The following MYOM2 variants were observed in gnomAD, a reference collection of about 807,000 sequenced individuals.
The protein encoded by MYOM2 is myomesin-2.
In MYOM2, 254 loss-of-function variants were observed where a neutral mutation model predicts 187.6. The ratio of observed to expected loss-of-function variants is 1.35; its 90% CI spans 1.22 to 1.50. MYOM2 has a LOEUF of 1.50. MYOM2 is among the 40% of genes most tolerant of loss of function. The probability of loss-of-function intolerance (pLI) is 0.00; values close to 1 mark genes in which losing one functional copy is unlikely to be tolerated. For missense variants in MYOM2, 2,796 were observed against 1,924.0 expected, an observed-to-expected ratio of 1.45 and a Z score of -8.48; for synonymous variants, 981 against 753.8, an observed-to-expected ratio of 1.30 and a Z score of -4.94.
Position 2,129,150 on chromosome 8 carries a change from G to A in MYOM2, c.3718G>A (p.Val1240Ile), listed in dbSNP as rs1015938465. Residue 1240 changes from valine to isoleucine, a missense_variant, in exon 32 of 37, where the codon GTA becomes ATA. Coordinates refer to ENST00000262113, the MANE Select transcript of MYOM2 (RefSeq NM_003970.4). ...VCGKSASPLK[V>I]LCTPEGIRLQ... ...AGGGAAATCTGCTTCGCCACTGAAG[G>A]TACTCTGCACCCCAGAAGGAATACG... The A allele has an allele frequency of 5.0e-6, 8 of 1,609,542 alleles. No individual in the cohort carries two copies. In the African/African-American group the frequency reaches 9.4e-5, roughly 19 times the overall value.
At chr8:2,126,948 G>A (rs1447334167) in intron 31 of MYOM2, among the ~76,000 whole-genome samples, 1 of 143,488 alleles carries the variant, frequency 7.0e-6, no homozygotes, top group African/African-American at 2.6e-5. Context: ...AGGAGCACTG[G>A]GGGAGGATGG....
At chr8:2,128,849 CT>C (rs1249966052) in intron 31 of MYOM2, among the ~76,000 whole-genome samples, 1 of 152,182 alleles carries the variant, frequency 6.6e-6, no homozygotes, top group Admixed American at 6.5e-5. Flanking sequence ...AGCAAAGCTG[CT>C]GAGGGGCAGA....
At chr8:2,112,676 T>C (rs1436756156) in intron 25 of MYOM2, among the ~76,000 whole-genome samples, 1 of 152,154 alleles carries the variant, frequency 6.6e-6, no homozygotes, top group Non-Finnish European at 1.5e-5. Flanking sequence ...AGTTTGCTAA[T>C]ATTCGTCTTC....
chr8:2,082,221 T>C (rs750642348), intron 13 of MYOM2: 1 of 152,188 alleles, frequency 6.6e-6, no homozygotes, highest in Non-Finnish European at 1.5e-5. Flanking sequence ...TATGGGGTTT[T>C]GGAAAGTTTA....
chr8:2,103,924 G>A (rs192991341), intron 21 of MYOM2, among the ~76,000 whole-genome samples: 1 of 152,152 alleles, frequency 6.6e-6, no homozygotes, highest in Non-Finnish European at 1.5e-5. Context: ...ATGGATGGGT[G>A]TACGGATAAA....
intron 23 of MYOM2, 53 bp from the exon 24 acceptor site, chr8:2,108,731 CAA>C: frequency 5.7e-6 from 9 of 1,589,538 alleles, no homozygotes; most frequent in Non-Finnish European, 7.8e-6. Context: ...CTGTTGTCTA[CAA>C]ACTTCTCTAG....
At chr8:2,137,697 A>G (rs1477450321) in intron 32 of MYOM2, among the ~76,000 whole-genome samples, 2 of 152,116 alleles carry the variant, frequency 1.3e-5, no homozygotes, top group African/African-American at 2.4e-5. Context: ...AGAGTTCCAC[A>G]TGCTTGTGGA....
intron 32 of MYOM2, among the ~76,000 whole-genome samples, chr8:2,130,139 G>A (rs1389282283): frequency 1.6e-5 from 2 of 122,926 alleles, no homozygotes; most frequent in Admixed American, 1.7e-4. Context: ...TACCCAGGGC[G>A]TCCCCACCGC....
intron 31 of MYOM2, among the ~76,000 whole-genome samples, chr8:2,127,541 G>T (rs937851202): frequency 6.6e-6 from 1 of 152,254 alleles, no homozygotes; most frequent in Non-Finnish European, 1.5e-5. Context: ...GTGGACTAGC[G>T]GGGTTTAGGG....
At chr8:2,103,030 G>C (rs1310791730) in intron 21 of MYOM2, among the ~76,000 whole-genome samples, 2 of 151,864 alleles carry the variant, frequency 1.3e-5, no homozygotes, top group Non-Finnish European at 2.9e-5. Context: ...ATGCATGGGT[G>C]TCTGAATAAA....
In MYOM2 at chr8:2,078,947, G is replaced by C; in HGVS notation, c.1462+14G>C. ...GAAGGTTACAAGGTAAGCTGCTCAC[G>C]CCTAAGTATCCACTGTGCCCAGGAA... On this transcript the variant is annotated intron_variant, in intron 12 of 36. Transcript: ENST00000262113. The C allele has an allele frequency of 6.2e-7, 1 of 1,611,750 alleles. No individual in the cohort carries two copies. The highest frequency in any genetic ancestry group is 8.5e-7 in the Non-Finnish European group (1 of 1,178,488).
chr8:2,050,864 C>A lies in MYOM2; in HGVS notation c.98C>A (p.Ala33Glu), dbSNP rs35578989. 0.021 allele frequency: 34,504 copies of A among 1,607,738 alleles called. 434 individuals are homozygous for A. Among genetic ancestry groups the A allele is most frequent in the Non-Finnish European group, 0.024 (28,007 of 1,174,636 alleles). The change falls in exon 2 of 37, where the codon GCG (alanine) becomes GAG (glutamate). Residue 33 changes from alanine (A) to glutamate (E), a missense_variant. By Grantham distance (107) the Ala-to-Glu change is moderately radical. Transcript: ENST00000262113. ...IQTRYLLDEY[A>E]SKKRASTQAS... ...ACACGGTACCTGCTGGACGAATATG[C>A]GTCAAAAAAGTAAGCTGACATTCGC...
chr8:2,095,544 G>C, intron 17 of MYOM2, among the ~76,000 whole-genome samples: 1 of 152,082 alleles, frequency 6.6e-6, no homozygotes, highest in South Asian at 2.1e-4. Flanking sequence ...CTCCTGCCTC[G>C]GTCTCCCAAA....
intron 14 of MYOM2, 33 bp from the exon 15 acceptor site, chr8:2,089,975 C>T: frequency 6.2e-7 from 1 of 1,608,710 alleles, no homozygotes; most frequent in Non-Finnish European, 8.5e-7. Flanking sequence ...TCGCGGTTTT[C>T]ACTGCCAGTC....
intron 6 of MYOM2, among the ~76,000 whole-genome samples, chr8:2,069,000 G>C (rs1819121745): frequency 6.6e-6 from 1 of 152,218 alleles, no homozygotes; most frequent in African/African-American, 2.4e-5. Flanking sequence ...TTCTCCTTGA[G>C]AATGAACAAA....
At chr8:2,064,121 C>T (rs542119140) in intron 6 of MYOM2, among the ~76,000 whole-genome samples, 2 of 152,304 alleles carry the variant, frequency 1.3e-5, no homozygotes, top group East Asian at 1.9e-4. Flanking sequence ...AGGAAGTCTC[C>T]GCGAGAGTGG....
intron 10 of MYOM2, 140 bp downstream of exon 10, chr8:2,073,640 C>T (rs1819315675): frequency 4.9e-6 from 5 of 1,014,642 alleles, no homozygotes; most frequent in South Asian, 2.1e-5. Context: ...CATGCGGCCC[C>T]GATTTTCCCT....
At position 2,085,570 on chromosome 8, in the gene MYOM2, C is replaced by CCT. The variant is rs1267326420; in HGVS notation, c.1644+181_1644+182insTC. On this transcript the variant is annotated intron_variant, in intron 14 of 36. Coordinates refer to ENST00000262113, the MANE Select transcript of MYOM2 (RefSeq NM_003970.4). ...CCACTGTCATGATCTCTGCGTGGCC[C>CCT]CACTGTTGTGATCTCTGCGTGGCCC... 2.6e-4 allele frequency among the ~76,000 whole-genome samples: 5 copies of CCT among 19,258 alleles called. 1 individual carries two copies. Among genetic ancestry groups the CCT allele is most frequent in the Admixed American group, 5.4e-4 (1 of 1,866 alleles). The allele number at this position is 19,258 out of a possible 152,430, so 12.6% of individuals were successfully genotyped here. A position where few individuals can be genotyped will look rare whatever the true frequency, so the allele number is the denominator to read the frequency against.
Position 2,094,044 on chromosome 8 carries a change from G to C in MYOM2, c.2078G>C (p.Ser693Thr), listed in dbSNP as rs1003583068. ...AAGGCGGTCAATGCTGTGGGGATGA[G>C]TGAAAATTCCCAGGAATCAGACGTC... ...RVKAVNAVGM[S>T]ENSQESDVIK... The change falls in exon 17 of 37, where the codon AGT becomes ACT. Residue 693 changes from serine to threonine, a missense_variant. Ser to Thr is a moderately conservative substitution (Grantham distance 58, BLOSUM62 1). Coordinates refer to ENST00000262113, the MANE Select transcript of MYOM2 (RefSeq NM_003970.4). 6.8e-6 allele frequency: 11 copies of C among 1,614,060 alleles called. No individual in the cohort carries two copies. Among genetic ancestry groups the C allele is most frequent in the Non-Finnish European group, 8.5e-6 (10 of 1,180,054 alleles).
Sources: allele counts gnomAD v4.1 joint callset (sites outside exome capture counted in the v4.1 genomes callset), GRCh38; gene constraint gnomAD v4.1.1; transcripts MANE v1.5; gene names NCBI Gene and HGNC (gene_info 2026-07-23, HGNC 2026-07-21).